The following NRXN3 variants were observed in gnomAD, a reference collection of about 807,000 sequenced individuals.
NRXN3 encodes neurexin 3.
NRXN3 carries 32 observed loss-of-function variants against 137.6 expected under a neutral mutation model. The observed-to-expected ratio is 0.23, with a 90% confidence interval of 0.18 to 0.31. NRXN3 has a LOEUF of 0.31. Among genes scored for constraint, NRXN3 ranks in the 10% least tolerant of loss-of-function variants. The pLI, the probability that NRXN3 is intolerant of heterozygous loss-of-function variation, is 1.00. For missense variants in NRXN3, 1,574 were observed against 2,062.5 expected (o/e 0.76, Z 4.59); for synonymous variants, 798 against 784.5 (o/e 1.02, Z -0.29).
chr14:79,475,468 T>C (rs2096551488), intron 16 of NRXN3, among the ~76,000 whole-genome samples: 1 of 152,136 alleles, frequency 6.6e-6, no homozygotes, highest in Non-Finnish European at 1.5e-5. Flanking sequence ...TCATTTTATA[T>C]ATATATAAAT....
At chr14:78,857,478 A>C (rs2099060730) in intron 10 of NRXN3, among the ~76,000 whole-genome samples, 1 of 152,144 alleles carries the variant, frequency 6.6e-6, no homozygotes, top group Admixed American at 6.6e-5. Flanking sequence ...TAATTACCTT[A>C]AAGAAATCCA....
chr14:79,028,684 A>G (rs1034904270), intron 15 of NRXN3, among the ~76,000 whole-genome samples: 2 of 152,162 alleles, frequency 1.3e-5, no homozygotes, highest in Admixed American at 6.6e-5. Flanking sequence ...CCAGGTTTCT[A>G]CAGTGGAGGA....
At position 79,861,739 on chromosome 14, in the gene NRXN3, G is replaced by T. The variant is rs754022111; in HGVS notation, c.4491G>T (p.Gly1497=). ...TCCGGGAGTCGAGCAGCACAACAGG[G>T]ATGGTCGTCGGCATTGTGGCTGCTG... The part of the protein sequence containing the change: ...EVIRESSSTT[G]MVVGIVAAAA... Residue 1497 remains glycine, a synonymous_variant, in exon 21 of 21, where the codon GGG becomes GGT. Coordinates refer to ENST00000335750, the MANE Select transcript of NRXN3 (RefSeq NM_001330195.2). The surrounding 1 kb of genome is among the most constrained non-coding windows in gnomAD (Gnocchi z 5.4). 6.8e-6 allele frequency: 11 copies of T among 1,613,808 alleles called. No individual in the cohort carries two copies. In the South Asian group the frequency reaches 1.2e-4, roughly 18 times the overall value.
chr14:79,710,144 T>C (rs2098797829), intron 19 of NRXN3, among the ~76,000 whole-genome samples: 3 of 152,208 alleles, frequency 2.0e-5, no homozygotes, highest in Admixed American at 2.0e-4. Flanking sequence ...CTGCGGCTTC[T>C]GATTTTTTTC....
chr14:78,489,658 C>T (rs1020864831), intron 4 of NRXN3, among the ~76,000 whole-genome samples: 4 of 152,096 alleles, frequency 2.6e-5, no homozygotes, highest in Admixed American at 6.6e-5. Context: ...CTATTTTCTT[C>T]CCCTTCCCAT....
chr14:78,593,431 C>T (rs1403413766), intron 4 of NRXN3, among the ~76,000 whole-genome samples: 1 of 152,170 alleles, frequency 6.6e-6, no homozygotes, highest in African/African-American at 2.4e-5. Context: ...GCCTCAGGCC[C>T]CTCTCTCCCT....
chr14:78,803,507 T>C, intron 8 of NRXN3, 113 bp from the exon 9 acceptor site: 1 of 921,776 alleles, frequency 1.1e-6, no homozygotes, highest in Non-Finnish European at 1.8e-6. Context: ...CAAACACAAG[T>C]CACTAGGCTA....
At chr14:79,558,014 T>A (rs150091974) in intron 16 of NRXN3, among the ~76,000 whole-genome samples, 52 of 152,234 alleles carry the variant, frequency 3.4e-4, no homozygotes, top group African/African-American at 1.2e-3. Context: ...GTAGATTCCA[T>A]TTTAAGAAAC....
chr14:78,469,084 G>T (rs1402126746), intron 4 of NRXN3, among the ~76,000 whole-genome samples: 1 of 152,160 alleles, frequency 6.6e-6, no homozygotes, highest in Non-Finnish European at 1.5e-5. Context: ...TCTCCACCTA[G>T]TTACACAATA....
intron 2 of NRXN3, among the ~76,000 whole-genome samples, chr14:78,255,979 G>A (rs1267861474): frequency 3.9e-5 from 6 of 152,156 alleles, no homozygotes; most frequent in African/African-American, 1.4e-4. Flanking sequence ...CTTTTAATGG[G>A]AAAAGTGTCA....
chr14:79,719,292 T>C (rs1409429103), intron 19 of NRXN3, among the ~76,000 whole-genome samples: 1 of 34,306 alleles, frequency 2.9e-5, no homozygotes, highest in African/African-American at 1.0e-4. Context: ...TATATGTATG[T>C]ATGTGTATAT....
At chr14:78,197,210 C>G (rs2061310055) in intron 1 of NRXN3, among the ~76,000 whole-genome samples, 1 of 152,226 alleles carries the variant, frequency 6.6e-6, no homozygotes, top group Non-Finnish European at 1.5e-5. Flanking sequence ...CCCAACCAGA[C>G]TCTTCGCTCA....
At chr14:79,529,142 C>G (rs1361221944) in intron 16 of NRXN3, among the ~76,000 whole-genome samples, 1 of 152,142 alleles carries the variant, frequency 6.6e-6, no homozygotes, top group African/African-American at 2.4e-5. Context: ...AATCCGAGCT[C>G]TCTGAGTGCA....
At chr14:79,159,943 T>C (rs1332580727) in intron 15 of NRXN3, among the ~76,000 whole-genome samples, 2 of 151,882 alleles carry the variant, frequency 1.3e-5, no homozygotes, top group African/African-American at 4.8e-5. Flanking sequence ...TCCATCTACA[T>C]ATATGGCCAG....
At chr14:78,254,049 T>A (rs1472758518) in intron 2 of NRXN3, among the ~76,000 whole-genome samples, 1 of 152,226 alleles carries the variant, frequency 6.6e-6, no homozygotes, top group Non-Finnish European at 1.5e-5. Flanking sequence ...AATTAACCCT[T>A]GTGCCAAGGT....
intron 15 of NRXN3, among the ~76,000 whole-genome samples, chr14:79,027,091 T>A (rs997190806): frequency 2.7e-4 from 40 of 150,140 alleles, no homozygotes; most frequent in Non-Finnish European, 4.4e-4. Flanking sequence ...GTTTTTTTTT[T>A]TTTTAAAACT....
intron 15 of NRXN3, among the ~76,000 whole-genome samples, chr14:79,027,244 A>G (rs1374191738): frequency 3.3e-5 from 5 of 151,886 alleles, no homozygotes; most frequent in Admixed American, 3.3e-4. Flanking sequence ...GAGGAATAGT[A>G]AGCAAGTGAT....
At chr14:79,593,587 C>T (rs1329724580) in intron 16 of NRXN3, among the ~76,000 whole-genome samples, 5 of 145,042 alleles carry the variant, frequency 3.4e-5, no homozygotes, top group Admixed American at 1.4e-4. Flanking sequence ...GCCAAGATGG[C>T]GCCACTGCAC....
chr14:78,201,779 CAG>C (rs922760336), intron 1 of NRXN3, among the ~76,000 whole-genome samples: 4 of 152,198 alleles, frequency 2.6e-5, no homozygotes, highest in Admixed American at 1.3e-4. Context: ...GCTGGTGAGA[CAG>C]AGCAGTGGGC....
Sources: gnomAD v4.1 joint callset for allele counts (sites outside exome capture counted in the v4.1 genomes callset) on GRCh38, gnomAD v4.1.1 for gene constraint, Gnocchi (gnomAD v3.1) non-coding constraint, MANE v1.5 for transcripts, NCBI Gene and HGNC (gene_info 2026-07-23, HGNC 2026-07-21) for gene names.